The following PRMT8 variants were observed in gnomAD, a reference collection of about 807,000 sequenced individuals.
PRMT8 encodes protein arginine methyltransferase 8, also known as protein arginine N-methyltransferase 8.
PRMT8 carries 7 observed loss-of-function variants against 47.1 expected under a neutral mutation model. The ratio of observed to expected loss-of-function variants is 0.15; its 90% confidence interval spans 0.08 to 0.28. The LOEUF (loss-of-function observed/expected upper bound fraction) is 0.28. Ranked by LOEUF, PRMT8 falls within the 10% of genes least tolerant of loss-of-function variation. PRMT8 has a pLI of 1.00. For missense variants in PRMT8, 237 were observed against 505.4 expected, an observed-to-expected ratio of 0.47 and a Z score of 5.09; for synonymous variants, 188 against 186.5, an observed-to-expected ratio of 1.01 and a Z score of -0.07.
intron 1 of PRMT8, among the ~76,000 whole-genome samples, chr12:3,442,927 G>A (rs1864818983): frequency 6.6e-6 from 1 of 152,126 alleles, no homozygotes; most frequent in African/African-American, 2.4e-5. Context: ...AAAGTGCTGG[G>A]ATTATAGGTG....
At position 3,576,233 on chromosome 12, in the gene PRMT8, A is replaced by G. The variant is rs1175080901; in HGVS notation, c.713-638A>G. Among the ~76,000 whole-genome samples the G allele has an allele frequency of 1.3e-5, 2 of 152,182 alleles. No individual in the cohort carries two copies. Among genetic ancestry groups the G allele is most frequent in the African/African-American group, 2.4e-5 (1 of 41,440 alleles). Reference sequence around the variant, plus strand: ...CCTTAGTGAGTGCATCTTGGCATACAAGGAAGGCAGAGATGCTCCTGGACC... The same window carrying G: ...CCTTAGTGAGTGCATCTTGGCATACGAGGAAGGCAGAGATGCTCCTGGACC... On this transcript the variant is annotated intron_variant, in intron 6 of 9. Transcript: ENST00000382622. This position sits in a 1 kb window ranked among gnomAD's most constrained non-coding sequence, Gnocchi z 4.0.
chr12:3,420,530 T>A (rs1864530458), intron 1 of PRMT8, among the ~76,000 whole-genome samples: 1 of 151,790 alleles, frequency 6.6e-6, no homozygotes, highest in Non-Finnish European at 1.5e-5. Context: ...CTCCCAGCAG[T>A]GAGAGAGTTA....
intron 1 of PRMT8, among the ~76,000 whole-genome samples, chr12:3,479,831 T>C (rs1178181452): frequency 6.9e-6 from 1 of 145,014 alleles, no homozygotes; most frequent in African/African-American, 2.6e-5. Flanking sequence ...TGTTACATGT[T>C]AGTGTCAGTT....
At chr12:3,592,743 A>G (rs71458067) in intron 9 of PRMT8, among the ~76,000 whole-genome samples, 4,408 of 152,272 alleles carry the variant, frequency 0.029, 69 homozygotes, top group East Asian at 0.038. Flanking sequence ...ACTTGCTGGC[A>G]CTTTCGGGGC....
In PRMT8 at chr12:3,436,694, T is replaced by C. The variant is rs1377724487; in HGVS notation, c.48+55252T>C. ...CTAATATGATTGTGCTGCCTGGAAA[T>C]GCAAAAGCCATGAGTCGGTTAAACA... On this transcript the variant is annotated intron_variant, in intron 1 of 9. Coordinates refer to the PRMT8 transcript ENST00000452611. This position sits in a 1 kb window ranked among gnomAD's most constrained non-coding sequence, Gnocchi z 4.2. 6.6e-6 allele frequency among the ~76,000 whole-genome samples: 1 copy of C among 152,212 alleles called. No individual in the cohort carries two copies. Among genetic ancestry groups the C allele is most frequent in the African/African-American group, 2.4e-5 (1 of 41,450 alleles).
intron 4 of PRMT8, among the ~76,000 whole-genome samples, chr12:3,556,641 A>C (rs960689370): frequency 6.6e-6 from 1 of 152,234 alleles, no homozygotes; most frequent in Non-Finnish European, 1.5e-5. Flanking sequence ...AGTAGCTGTA[A>C]AGGAAGGTGG....
rs1268312152 is a variant in PRMT8, at chr12:3,514,235, C to G, written c.75+22535C>G. Reference sequence around the variant, plus strand: ...CCTTTTTTTTTTTTTTCTGTTACCCCTAAGGTGCTCTTTTGTTCACCACAG... The same window carrying G: ...CCTTTTTTTTTTTTTTCTGTTACCCGTAAGGTGCTCTTTTGTTCACCACAG... On this transcript the variant is annotated intron_variant, in intron 1 of 9. Coordinates refer to ENST00000382622, the MANE Select transcript of PRMT8 (RefSeq NM_019854.5). The surrounding 1 kb of genome is among the most constrained non-coding windows in gnomAD (Gnocchi z 5.9). Among the ~76,000 whole-genome samples, 2 of 151,322 alleles carry G rather than the reference C, an allele frequency of 1.3e-5. No individual in the cohort carries two copies. The highest frequency in any genetic ancestry group is 4.9e-5 in the African/African-American group (2 of 41,124).
Position 3,569,662 on chromosome 12 carries a change from C to T in PRMT8, c.712+98C>T, listed in dbSNP as rs972432067. ...GATGAGCAGGCAGTGACATGAACAC[C>T]ATTGCTGTCCCTGAAGAGGAGCTTA... On this transcript the variant is annotated intron_variant, in intron 6 of 9. Transcript: ENST00000382622. This position sits in a 1 kb window ranked among gnomAD's most constrained non-coding sequence, Gnocchi z 8.2. 2.1e-6 allele frequency: 2 copies of T among 946,156 alleles called. No homozygotes were observed. Among genetic ancestry groups the T allele is most frequent in the Non-Finnish European group, 3.5e-6 (2 of 576,286 alleles). 58.6% of individuals were successfully genotyped at this position (946,156 alleles called of 1,614,324 possible). A position where few individuals can be genotyped will look rare whatever the true frequency, so the allele number is the denominator to read the frequency against.
intron 1 of PRMT8, among the ~76,000 whole-genome samples, chr12:3,413,292 T>C (rs1403835488): frequency 6.6e-6 from 1 of 152,222 alleles, no homozygotes; most frequent in Non-Finnish European, 1.5e-5. Flanking sequence ...CCTGCTGCCA[T>C]ATAGGATGTG....
chr12:3,429,248 A>T (rs1279416252), intron 1 of PRMT8, among the ~76,000 whole-genome samples: 1 of 152,214 alleles, frequency 6.6e-6, no homozygotes, highest in East Asian at 1.9e-4. Flanking sequence ...CTTTGAAACA[A>T]GGGACCTGTT....
chr12:3,567,720 A>G (rs1866747481), intron 4 of PRMT8, among the ~76,000 whole-genome samples: 1 of 152,214 alleles, frequency 6.6e-6, no homozygotes, highest in Admixed American at 6.5e-5. Flanking sequence ...TTTGACTCCC[A>G]CAAAAGTAAG....
chr12:3,593,056 C>T lies in PRMT8; in HGVS notation c.1102-43C>T. 2 of 1,550,584 alleles carry T rather than the reference C, an allele frequency of 1.3e-6. No individual in the cohort carries two copies. The highest frequency in any genetic ancestry group is 1.8e-6 in the Non-Finnish European group (2 of 1,123,726). Reference sequence around the variant, plus strand: ...CAGAGAGTGGGGCTGTGGCTTCATACCCAGACGGCCGCCTGACCCTTCGCT... The same window carrying T: ...CAGAGAGTGGGGCTGTGGCTTCATATCCAGACGGCCGCCTGACCCTTCGCT... On this transcript the variant is annotated intron_variant, in intron 9 of 9. Transcript: ENST00000382622. This position sits in a 1 kb window ranked among gnomAD's most constrained non-coding sequence, Gnocchi z 4.8.
At chr12:3,585,345 CTTTTTTTTTTTTTTT>C (rs71061123) in intron 8 of PRMT8, among the ~76,000 whole-genome samples, 4 of 45,774 alleles carry the variant, frequency 8.7e-5, no homozygotes, top group Non-Finnish European at 1.5e-4. Flanking sequence ...GAAAATGATG[CTTTTTTTTTTTTTTT>C]TTTTTTTTTT....
intron 1 of PRMT8, among the ~76,000 whole-genome samples, chr12:3,462,258 G>A (rs180731080): frequency 1.8e-4 from 28 of 152,072 alleles, no homozygotes; most frequent in African/African-American, 5.6e-4. Context: ...TCATTGCAGC[G>A]CTATTTACAA....
At chr12:3,479,850 C>T (rs1052589654) in intron 1 of PRMT8, among the ~76,000 whole-genome samples, 1 of 78,012 alleles carries the variant, frequency 1.3e-5, no homozygotes, top group African/African-American at 5.5e-5. Flanking sequence ...TTTCTACTCT[C>T]AGATTTTTTT....
chr12:3,455,340 T>C (rs1487596868), intron 1 of PRMT8, among the ~76,000 whole-genome samples: 1 of 151,712 alleles, frequency 6.6e-6, no homozygotes, highest in Non-Finnish European at 1.5e-5. Context: ...AGGATGAGGG[T>C]GAGGGGAGGT....
chr12:3,586,771 A>G (rs1014874147), intron 8 of PRMT8, among the ~76,000 whole-genome samples: 1 of 152,188 alleles, frequency 6.6e-6, no homozygotes, highest in Non-Finnish European at 1.5e-5. Context: ...AATTTGACCA[A>G]TGTTGACTTT....
chr12:3,465,647 G>C (rs1865090794), intron 1 of PRMT8, among the ~76,000 whole-genome samples: 1 of 152,180 alleles, frequency 6.6e-6, no homozygotes, highest in Non-Finnish European at 1.5e-5. Flanking sequence ...TTATTGAACA[G>C]GGGAGTGCCA....
chr12:3,521,159 T>A (rs1315415078), intron 1 of PRMT8, among the ~76,000 whole-genome samples: 2 of 152,144 alleles, frequency 1.3e-5, no homozygotes, highest in Admixed American at 1.3e-4. Flanking sequence ...GGATGGGACA[T>A]GGGTGCTCCC....
Sources: allele counts gnomAD v4.1 joint callset (sites outside exome capture counted in the v4.1 genomes callset), GRCh38; gene constraint gnomAD v4.1.1; non-coding constraint Gnocchi (gnomAD v3.1); transcripts MANE v1.5; gene names NCBI Gene and HGNC (gene_info 2026-07-23, HGNC 2026-07-21).